Variants in SNRPN observed in about 807,000 individuals in gnomAD.
SNRPN encodes small nuclear ribonucleoprotein-associated protein N.
Under a neutral mutation model 25.2 loss-of-function variants are expected in SNRPN, and 7 were observed. That is an observed-to-expected ratio of 0.28 (90% CI 0.16 to 0.52). The LOEUF is 0.52. Ranked by LOEUF, SNRPN falls within the 20% of genes least tolerant of loss-of-function variation. SNRPN has a pLI of 0.96. For missense variants in SNRPN, 196 were observed against 322.5 expected (o/e 0.61, Z 3.00); for synonymous variants, 124 against 110.6 (o/e 1.12, Z -0.76).
chr15:24,932,433 C>T (rs1263112063), intron 3 of SNRPN, among the ~76,000 whole-genome samples: 1 of 152,038 alleles, frequency 6.6e-6, no homozygotes, highest in African/African-American at 2.4e-5. Flanking sequence ...GGGGTTTCAC[C>T]ATGATGTCCA....
intron 1 of SNRPN, among the ~76,000 whole-genome samples, chr15:24,824,016 T>C (rs1289031122): frequency 6.6e-6 from 1 of 152,160 alleles, no homozygotes; most frequent in Non-Finnish European, 1.5e-5. Context: ...TTAATTATTT[T>C]CATCTGTTCA....
chr15:24,875,362 T>C (rs997302408), intron 1 of SNRPN, among the ~76,000 whole-genome samples: 1 of 152,222 alleles, frequency 6.6e-6, no homozygotes, highest in East Asian at 1.9e-4. Flanking sequence ...ATCTTTTCTA[T>C]GATAAATACA....
chr15:24,837,518 A>G (rs760481119), intron 2 of SNRPN, among the ~76,000 whole-genome samples: 44 of 150,098 alleles, frequency 2.9e-4, no homozygotes, highest in South Asian at 1.3e-3. Flanking sequence ...ACAGGCGCCC[A>G]CCACCATGCC....
At chr15:24,855,595 G>A (rs1595481970), upstream of SNRPN, among the ~76,000 whole-genome samples, 2 of 152,112 alleles carry the variant, frequency 1.3e-5, no homozygotes, top group Middle Eastern at 6.8e-3. Flanking sequence ...TTTGAGACCA[G>A]CCTGGCCAAT....
chr15:24,829,941 G>T (rs2050382393), intron 2 of SNRPN: 1 of 152,162 alleles, frequency 6.6e-6, no homozygotes, highest in African/African-American at 2.4e-5. Context: ...GGACCCCAGG[G>T]AAGCTACACG....
intron 3 of SNRPN, among the ~76,000 whole-genome samples, chr15:24,922,128 G>A (rs145418070): frequency 6.6e-6 from 1 of 151,750 alleles, no homozygotes; most frequent in East Asian, 1.9e-4. Context: ...CAGGAGAATC[G>A]CTTGAACCTG....
chr15:24,827,515 CAAAAAA>C (rs58393593), intron 1 of SNRPN, among the ~76,000 whole-genome samples: 3 of 96,768 alleles, frequency 3.1e-5, no homozygotes, highest in Admixed American at 1.2e-4. Flanking sequence ...GACTCTGTCT[CAAAAAA>C]AAAAAAAAAA....
intron 2 of SNRPN, among the ~76,000 whole-genome samples, chr15:24,838,036 T>C (rs1056941711): frequency 1.5e-5 from 2 of 129,196 alleles, no homozygotes; most frequent in Non-Finnish European, 3.5e-5. Flanking sequence ...TCTTTATTTA[T>C]TTATTTTTTT....
At position 24,955,056 on chromosome 15, in the gene SNRPN, G is replaced by A. The variant is rs1172109294; in HGVS notation, c.-397G>A. Reference sequence around the variant, plus strand: ...GGAGCGGTCAGTGACGCGATGGAGCGGGCAAGGTCAGCTGTGCCGGTGGCT... The same window carrying A: ...GGAGCGGTCAGTGACGCGATGGAGCAGGCAAGGTCAGCTGTGCCGGTGGCT... On this transcript the variant is annotated 5_prime_UTR_variant, in exon 1 of 10. Transcript: ENST00000390687. 1.9e-6 allele frequency: 3 copies of A among 1,613,440 alleles called. No homozygotes were observed. Among genetic ancestry groups the A allele is most frequent in the South Asian group, 1.1e-5 (1 of 91,012 alleles).
At position 24,830,577 on chromosome 15, in the gene SNRPN, A is replaced by G. The variant is rs558602737; in HGVS notation, c.-579+672A>G. The stretch of plus-strand genomic sequence containing the variant: ...TAATATATACACACTCAATGCTGTA[A>G]TTTTCCTCTAAGCTTCCCTGTTGTA... On this transcript the variant is annotated intron_variant, in intron 2 of 12. Coordinates refer to the SNRPN transcript ENST00000400100. 3.6e-4 allele frequency among the ~76,000 whole-genome samples: 55 copies of G among 152,036 alleles called. 1 individual carries two copies. Among genetic ancestry groups the G allele is most frequent in the Admixed American group, 2.7e-3 (41 of 15,276 alleles).
At chr15:24,845,958 G>T (rs911957635) in intron 2 of SNRPN, among the ~76,000 whole-genome samples, 11 of 151,916 alleles carry the variant, frequency 7.2e-5, no homozygotes, top group Non-Finnish European at 1.6e-4. Context: ...GGTGGCAAGC[G>T]CCTGTAATCC....
intron 2 of SNRPN, among the ~76,000 whole-genome samples, chr15:24,910,565 C>T (rs1209795058): frequency 6.6e-6 from 1 of 152,028 alleles, no homozygotes; most frequent in East Asian, 1.9e-4. Flanking sequence ...GATCTCGGCT[C>T]ACTGCAACCT....
At chr15:24,904,441 G>A (rs1020829178) in intron 2 of SNRPN, among the ~76,000 whole-genome samples, 1 of 152,114 alleles carries the variant, frequency 6.6e-6, no homozygotes, top group Admixed American at 6.6e-5. Flanking sequence ...GATCACCTGA[G>A]GTTAGGAGCT....
At chr15:24,860,446 T>C (rs2053889649) in intron 1 of SNRPN, among the ~76,000 whole-genome samples, 1 of 152,192 alleles carries the variant, frequency 6.6e-6, no homozygotes, top group African/African-American at 2.4e-5. Context: ...CTTATTTTAA[T>C]GAGAATTGTG....
intron 6 of SNRPN, 117 bp from the exon 7 acceptor site, chr15:24,976,758 CAG>C (rs1160227986): frequency 1.1e-6 from 1 of 874,052 alleles, no homozygotes; most frequent in Non-Finnish European, 1.8e-6. Flanking sequence ...CATTTGGACA[CAG>C]AACTAATATG....
intron 3 of SNRPN, among the ~76,000 whole-genome samples, chr15:24,941,579 G>T (rs114829333): frequency 0.04 from 6,046 of 152,110 alleles, 406 homozygotes; most frequent in African/African-American, 0.14. Flanking sequence ...CACAGAGCTT[G>T]GTTAATCCTG....
chr15:24,977,695 G>T (rs1253333180), intron 7 of SNRPN, 83 bp from the exon 8 acceptor site: 2 of 1,300,104 alleles, frequency 1.5e-6, no homozygotes, highest in Middle Eastern at 1.9e-4. Context: ...GTAACTAATT[G>T]GTCATTTTTC....
At chr15:24,911,334 A>G (rs2059200969) in intron 2 of SNRPN, among the ~76,000 whole-genome samples, 1 of 152,162 alleles carries the variant, frequency 6.6e-6, no homozygotes, top group African/African-American at 2.4e-5. Flanking sequence ...TCATTAAGAC[A>G]ATGGGAGAAT....
upstream of SNRPN, among the ~76,000 whole-genome samples, chr15:24,853,352 TC>T (rs1382957325): frequency 6.6e-6 from 1 of 152,204 alleles, no homozygotes; most frequent in Non-Finnish European, 1.5e-5. Context: ...CCTTCAACTT[TC>T]CTGGTCTTTC....
Sources: gnomAD v4.1 joint callset for allele counts (sites outside exome capture counted in the v4.1 genomes callset) on GRCh38, gnomAD v4.1.1 for gene constraint, MANE v1.5 for transcripts, NCBI Gene and HGNC (gene_info 2026-07-23, HGNC 2026-07-21) for gene names.